The following IFI35 variants were observed in gnomAD, a reference collection of about 807,000 sequenced individuals.
The protein encoded by IFI35 is interferon induced protein 35, also known as interferon-induced 35 kDa protein.
In IFI35, 30 loss-of-function variants were observed where a neutral mutation model predicts 28.6. The ratio of observed to expected loss-of-function variants is 1.05; its 90% confidence interval spans 0.79 to 1.43. The LOEUF (loss-of-function observed/expected upper bound fraction) is 1.43. Among genes scored for constraint, IFI35 ranks in the 40% most tolerant of loss-of-function variants. The pLI is 0.00. For missense variants in IFI35, 372 were observed against 356.9 expected, an observed-to-expected ratio of 1.04 and a Z score of -0.34; for synonymous variants, 146 against 154.8, an observed-to-expected ratio of 0.94 and a Z score of 0.42.
At chr17:43,009,559 C>T (rs1037385540) in intron 1 of IFI35, among the ~76,000 whole-genome samples, 6 of 151,896 alleles carry the variant, frequency 4.0e-5, no homozygotes, top group African/African-American at 1.2e-4. Context: ...TTGAGACCAT[C>T]CTGGCCAACA....
chr17:43,010,735 G>A (rs1027885200), intron 1 of IFI35, among the ~76,000 whole-genome samples: 1 of 152,184 alleles, frequency 6.6e-6, no homozygotes, highest in Non-Finnish European at 1.5e-5. Flanking sequence ...CTCCTTTACC[G>A]TCATTCATTC....
At chr17:43,012,156 G>T (rs1225396577) in intron 1 of IFI35, 23 bp from the exon 2 acceptor site, 2 of 1,521,518 alleles carry the variant, frequency 1.3e-6, no homozygotes, top group Non-Finnish European at 1.8e-6. Context: ...TAGAAGTCTT[G>T]TTGTTTCCTT....
rs1213486403 is a variant in IFI35 at position 43,006,985 on chromosome 17, G to A, written c.21+17G>A. Reference sequence around the variant, plus strand: ...CTGGATGCCGTAAGTGAGGAGGAGGGAGTTGGGAAGTGGGGAAACAGGAGT... The same window carrying A: ...CTGGATGCCGTAAGTGAGGAGGAGGAAGTTGGGAAGTGGGGAAACAGGAGT... On this transcript the variant is annotated intron_variant, in intron 1 of 6. Transcript: ENST00000415816. 1 of 1,613,634 alleles carries A rather than the reference G, an allele frequency of 6.2e-7. No homozygotes were observed. The highest frequency in any genetic ancestry group is 1.3e-5 in the African/African-American group (1 of 74,920).
At chr17:43,014,036 C>A in intron 6 of IFI35, 72 bp from the exon 7 acceptor site, 1 of 1,472,548 alleles carries the variant, frequency 6.8e-7, no homozygotes, top group Non-Finnish European at 9.4e-7. Flanking sequence ...CCCCATGGGG[C>A]ACTGCCTGCC....
rs934065641 is a variant in IFI35 at position 43,013,882 on chromosome 17, G to A, written c.669G>A (p.Glu223=). The change falls in exon 6 of 7, where the codon GAG becomes GAA. Residue 223 remains glutamate (E), a splice_region_variant and synonymous_variant. Coordinates refer to ENST00000415816, the MANE Select transcript of IFI35 (RefSeq NM_001330230.2). ...PYVNGEIQKA[E]IRSQPVPRSV... ...TGAACGGGGAGATCCAGAAGGCTGA[G>A]GTAAGCAGGAGGGGTGAAGAACAGG... 4.4e-6 allele frequency: 7 copies of A among 1,583,454 alleles called. No homozygotes were observed. The Admixed American group carries it at 5.5e-5, about 12-fold the overall frequency.
rs2050413107 is a variant in IFI35 at position 43,006,973 on chromosome 17, GT to G, written c.21+6del. On this transcript the variant is annotated splice_donor_region_variant and intron_variant, in intron 1 of 6. Transcript: ENST00000415816. The stretch of plus-strand genomic sequence containing the variant: ...ATGTCAGCCCCACTGGATGCCGTAA[GT>G]GAGGAGGAGGGAGTTGGGAAGTGGG... 2 of 1,613,914 alleles carry G rather than the reference GT, an allele frequency of 1.2e-6. No individual in the cohort carries two copies. Among genetic ancestry groups the G allele is most frequent in the Admixed American group, 1.7e-5 (1 of 60,000 alleles).
rs2050503881 is a variant in IFI35 at position 43,014,446 on chromosome 17, C to A, written c.*147C>A. On this transcript the variant is annotated 3_prime_UTR_variant, in exon 7 of 7. Coordinates refer to ENST00000415816, the MANE Select transcript of IFI35 (RefSeq NM_001330230.2). ...ACACTGCCCAGAACAGTAAAAAGAG[C>A]CTGCATGCCATGATGTTCTTCCTCA... The A allele has an allele frequency of 2.2e-6, 1 of 463,988 alleles. No homozygotes were observed. The highest frequency in any genetic ancestry group is 3.7e-6 in the Non-Finnish European group (1 of 267,238). 28.7% of individuals were successfully genotyped at this position (463,988 alleles called of 1,614,324 possible). A position where few individuals can be genotyped will look rare whatever the true frequency, so the allele number is the denominator to read the frequency against.
In IFI35 at chr17:43,011,335, A is replaced by G. The variant is rs140814510; in HGVS notation, c.22-844A>G. Among the ~76,000 whole-genome samples the G allele has an allele frequency of 3.4e-3, 516 of 152,290 alleles. 2 individuals are homozygous for G. The highest frequency in any genetic ancestry group is 0.012 in the African/African-American group (496 of 41,562). On this transcript the variant is annotated intron_variant, in intron 1 of 6. Coordinates refer to ENST00000415816, the MANE Select transcript of IFI35 (RefSeq NM_001330230.2). ...GGAGTTTGAGACCAACCTGGCCAAC[A>G]TGGTGAAAACCTGTTTCTACTAAAA...
intron 2 of IFI35, 177 bp downstream of exon 2, chr17:43,012,454 A>G: frequency 2.3e-6 from 1 of 441,964 alleles, no homozygotes. Flanking sequence ...AAAATACAAA[A>G]ATTAGGCCGG....
chr17:43,009,339 C>A (rs917918731), intron 1 of IFI35, among the ~76,000 whole-genome samples: 2 of 152,000 alleles, frequency 1.3e-5, no homozygotes, highest in Non-Finnish European at 1.5e-5. Flanking sequence ...GATTAGGGGG[C>A]CTGGGTCCGT....
At chr17:43,013,994 C>T in intron 6 of IFI35, 112 bp downstream of exon 6, 1 of 1,290,878 alleles carries the variant, frequency 7.7e-7, no homozygotes, top group South Asian at 1.3e-5. Flanking sequence ...ACCTACCCAC[C>T]ATCAGCCTCT....
Position 43,007,847 on chromosome 17 carries a change from T to TTATATATATATATATATATA in IFI35, c.21+886_21+905dup, listed in dbSNP as rs68028192. Among the ~76,000 whole-genome samples the TTATATATATATATATATATA allele has an allele frequency of 5.2e-3, 617 of 118,850 alleles. 14 individuals are homozygous for TTATATATATATATATATATA. Among genetic ancestry groups the TTATATATATATATATATATA allele is most frequent in the African/African-American group, 0.021 (534 of 25,814 alleles). The allele number at this position is 118,850 out of a possible 152,430, so 78.0% of individuals were successfully genotyped here. On this transcript the variant is annotated intron_variant, in intron 1 of 6. Coordinates refer to ENST00000415816, the MANE Select transcript of IFI35 (RefSeq NM_001330230.2). ...TCTCACACACACACACACACAAAAT[T>TTATATATATATATATATATA]TATATATATATATATATATATATAT... is the stretch of plus-strand genomic sequence containing the variant.
chr17:43,013,077 G>C lies in IFI35; in HGVS notation c.151G>C (p.Val51Leu). 4 of 1,613,960 alleles carry C rather than the reference G, an allele frequency of 2.5e-6. No homozygotes were observed. Among genetic ancestry groups the C allele is most frequent in the Non-Finnish European group, 3.4e-6 (4 of 1,180,006 alleles). ...VPFSVPKIPL[V>L]FRGHTQQDPE... ...ATTTTCAGTGCCCAAGATCCCCCTG[G>C]TATTCCGAGGACACACCCAGCAGGA... Residue 51 changes from valine to leucine, a missense_variant, in exon 3 of 7, where the codon GTA becomes CTA. Physicochemically the swap from Val to Leu is conservative, Grantham distance 32. Coordinates refer to ENST00000415816, the MANE Select transcript of IFI35 (RefSeq NM_001330230.2).
chr17:43,010,539 C>G (rs115333794), intron 1 of IFI35, among the ~76,000 whole-genome samples: 12 of 152,326 alleles, frequency 7.9e-5, no homozygotes, highest in African/African-American at 2.9e-4. Flanking sequence ...GCTCTATTAA[C>G]TCATTAATGT....
chr17:43,012,007 C>T, intron 1 of IFI35, 172 bp from the exon 2 acceptor site: 1 of 446,432 alleles, frequency 2.2e-6, no homozygotes, highest in South Asian at 4.0e-5. Context: ...CAGCCAAGCC[C>T]TGGGTGGAGG....
chr17:43,014,264 C>A lies in IFI35; in HGVS notation c.826C>A (p.Gln276Lys). 6.3e-7 allele frequency: 1 copy of A among 1,588,660 alleles called. No individual in the cohort carries two copies. Among genetic ancestry groups the A allele is most frequent in the South Asian group, 1.1e-5 (1 of 87,078 alleles). Residue 276 changes from glutamine to lysine, a missense_variant, in exon 7 of 7, where the codon CAG becomes AAG. By Grantham distance (53) the Gln-to-Lys change is moderately conservative. Transcript: ENST00000415816. ...EALTVVPQGQ[Q>K]GLAVFTSESG is the part of the protein sequence containing the mutation. ...CCTGACAGTCGTACCCCAAGGACAG[C>A]AGGGCCTAGCAGTCTTCACCTCTGA...
At position 43,013,276 on chromosome 17, in the gene IFI35, A is replaced by C. The variant is rs759166671; in HGVS notation, c.278A>C (p.Gln93Pro). ...ITFDDPKVAE[Q>P]VLQQKEHTIN... ...GTTTCCCACCACCCAGTGGCTGAGC[A>C]GGTGCTGCAACAAAAGGAGCACACG... Residue 93 changes from glutamine to proline, a missense_variant, in exon 4 of 7, where the codon CAG (glutamine) becomes CCG (proline). Transcript: ENST00000415816. 2.5e-6 allele frequency: 4 copies of C among 1,614,172 alleles called. No homozygotes were observed. In the South Asian group the frequency reaches 3.3e-5, roughly 13 times the overall value.
At position 43,013,758 on chromosome 17, in the gene IFI35, C is replaced by T. The variant is rs760521218; in HGVS notation, c.563-18C>T. 57 of 1,612,048 alleles carry T rather than the reference C, an allele frequency of 3.5e-5. 1 individual carries two copies. The highest frequency in any genetic ancestry group is 4.8e-5 in the Non-Finnish European group (56 of 1,178,496). On this transcript the variant is annotated intron_variant, in intron 5 of 6. Transcript: ENST00000415816. ...GAGGGCTTGATGCTAAAGGCCCACC[C>T]CTCCTTGCTCCCCACAGTGGCTCAG...
Position 43,006,946 on chromosome 17 carries a change from C to T in IFI35, c.-2C>T, listed in dbSNP as rs1398031018. 1.2e-6 allele frequency: 2 copies of T among 1,613,986 alleles called. No homozygotes were observed. The highest frequency in any genetic ancestry group is 1.7e-6 in the Non-Finnish European group (2 of 1,179,980). On this transcript the variant is annotated 5_prime_UTR_variant, in exon 1 of 7. Transcript: ENST00000415816. ...AGCTCTTGCCAAACAGACCCGAGAC[C>T]CATGTCAGCCCCACTGGATGCCGTA...
Sources: gnomAD v4.1 joint callset for allele counts (sites outside exome capture counted in the v4.1 genomes callset) on GRCh38, gnomAD v4.1.1 for gene constraint, MANE v1.5 for transcripts, NCBI Gene and HGNC (gene_info 2026-07-23, HGNC 2026-07-21) for gene names.